IQCB1: variants seen among roughly 807,000 people sequenced by gnomAD.
The protein encoded by IQCB1 is IQ motif containing B1.
In IQCB1, 56 loss-of-function variants were observed where a neutral mutation model predicts 84.4. The ratio of observed to expected loss-of-function variants is 0.66; its 90% CI spans 0.54 to 0.83. IQCB1 has a LOEUF of 0.83. Ranked by LOEUF, IQCB1 falls within the 40% of genes least tolerant of loss-of-function variation. The pLI is 0.00. For missense variants in IQCB1, 629 were observed against 682.1 expected (o/e 0.92, Z 0.87); for synonymous variants, 210 against 234.8 (o/e 0.89, Z 0.96).
chr3:121,770,353 G>C lies in IQCB1; in HGVS notation c.1789C>G (p.Pro597Ala). ...LENLFIGGTK[P>A]P Reference sequence around the variant, plus strand: ...ATTCTTAGGGTTACTCACTAAGGTGGTTTGGTTCCACCAATGAATAAATTT... The same window carrying C: ...ATTCTTAGGGTTACTCACTAAGGTGCTTTGGTTCCACCAATGAATAAATTT... The change falls in exon 15 of 15, where the codon CCA becomes GCA. Residue 597 changes from proline (P) to alanine (A), a missense_variant. Pro to Ala is a conservative substitution (Grantham distance 27). Transcript: ENST00000310864. 6.2e-7 allele frequency: 1 copy of C among 1,602,896 alleles called. No individual in the cohort carries two copies. Among genetic ancestry groups the C allele is most frequent in the Non-Finnish European group, 8.5e-7 (1 of 1,169,878 alleles).
At chr3:121,795,110 G>A (rs574410687) in intron 10 of IQCB1, among the ~76,000 whole-genome samples, 8 of 152,022 alleles carry the variant, frequency 5.3e-5, no homozygotes, top group Middle Eastern at 3.4e-3. Context: ...ACTCTTATAC[G>A]CATACATGTT....
At chr3:121,821,069 C>A (rs1241461648) in intron 5 of IQCB1, among the ~76,000 whole-genome samples, 1 of 151,960 alleles carries the variant, frequency 6.6e-6, no homozygotes, top group Admixed American at 6.6e-5. Context: ...TAGCTCACTG[C>A]AGCCGTGAGC....
intron 3 of IQCB1, 71 bp downstream of exon 3, chr3:121,828,790 G>C: frequency 9.1e-7 from 1 of 1,097,452 alleles, no homozygotes; most frequent in Non-Finnish European, 1.4e-6. Context: ...TAAAAGAAAT[G>C]TTAAAATTGT....
At chr3:121,811,439 G>A (rs1200560390) in intron 5 of IQCB1, among the ~76,000 whole-genome samples, 2 of 152,110 alleles carry the variant, frequency 1.3e-5, no homozygotes, top group Non-Finnish European at 2.9e-5. Context: ...CCTGGAAAGG[G>A]GTCTGAAACC....
At chr3:121,801,455 T>C (rs945752671) in intron 7 of IQCB1, among the ~76,000 whole-genome samples, 1 of 152,086 alleles carries the variant, frequency 6.6e-6, no homozygotes, top group East Asian at 1.9e-4. Context: ...ATATTCCACA[T>C]ACCACAGTCT....
At chr3:121,794,957 G>A (rs1949120549) in intron 10 of IQCB1, among the ~76,000 whole-genome samples, 1 of 152,046 alleles carries the variant, frequency 6.6e-6, no homozygotes, top group Admixed American at 6.5e-5. Flanking sequence ...GATCTGGATT[G>A]GTTAAGTCAT....
chr3:121,832,563 G>A (rs1174260061), intron 2 of IQCB1, among the ~76,000 whole-genome samples: 1 of 152,108 alleles, frequency 6.6e-6, no homozygotes, highest in Non-Finnish European at 1.5e-5. Flanking sequence ...ATGACCTCAA[G>A]TGGTCTGCCC....
At position 121,825,206 on chromosome 3, in the gene IQCB1, A is replaced by G. The variant is rs914419418; in HGVS notation, c.393+845T>C. ...CTCCCAAGTAGCTGGGATTATAGGC[A>G]TGTGCCACCATGCCCGGCTAATTTT... On this transcript the variant is annotated intron_variant, in intron 5 of 14. Coordinates refer to ENST00000310864, the MANE Select transcript of IQCB1 (RefSeq NM_001023570.4). Among the ~76,000 whole-genome samples the G allele has an allele frequency of 7.9e-5, 12 of 152,008 alleles. 1 individual carries two copies. The highest frequency in any genetic ancestry group is 2.1e-4 in the South Asian group (1 of 4,828).
intron 13 of IQCB1, among the ~76,000 whole-genome samples, chr3:121,776,128 C>G (rs1472699390): frequency 6.6e-6 from 1 of 152,012 alleles, no homozygotes; most frequent in East Asian, 1.9e-4. Flanking sequence ...GGTGCCATCA[C>G]TGCTCACTGC....
chr3:121,781,133 G>A (rs78999446), intron 13 of IQCB1, among the ~76,000 whole-genome samples: 15,670 of 152,238 alleles, frequency 0.1, 853 homozygotes, highest in South Asian at 0.15. Flanking sequence ...AATGACAGGA[G>A]TGGTGAGTTA....
At chr3:121,784,076 T>A (rs1948611544) in intron 12 of IQCB1, among the ~76,000 whole-genome samples, 1 of 152,326 alleles carries the variant, frequency 6.6e-6, no homozygotes, top group South Asian at 2.1e-4. Flanking sequence ...ATTCATGACA[T>A]TCACTTCTTG....
chr3:121,798,759 A>AT (rs956141295), intron 8 of IQCB1, among the ~76,000 whole-genome samples: 1 of 151,496 alleles, frequency 6.6e-6, no homozygotes, highest in Non-Finnish European at 1.5e-5. Context: ...AGGTAAGGCA[A>AT]TTTTTTTTGT....
chr3:121,780,840 CTGTG>C (rs1432222121), intron 13 of IQCB1, among the ~76,000 whole-genome samples: 3 of 150,332 alleles, frequency 2.0e-5, no homozygotes, highest in Non-Finnish European at 4.4e-5. Flanking sequence ...TTTTAGAAGT[CTGTG>C]TGTGTATCTG....
intron 5 of IQCB1, among the ~76,000 whole-genome samples, chr3:121,818,058 A>G (rs1950139087): frequency 6.6e-6 from 1 of 152,198 alleles, no homozygotes; most frequent in Non-Finnish European, 1.5e-5. Flanking sequence ...AGTCTATGGT[A>G]TTTTGTTACA....
At chr3:121,811,383 T>C (rs1436685587) in intron 5 of IQCB1, among the ~76,000 whole-genome samples, 1 of 152,196 alleles carries the variant, frequency 6.6e-6, no homozygotes, top group Non-Finnish European at 1.5e-5. Context: ...TTTCTTTTTG[T>C]ACCTCAGTGG....
At chr3:121,807,154 G>A (rs1244922141) in intron 7 of IQCB1, among the ~76,000 whole-genome samples, 190 bp downstream of exon 7, 2 of 83,714 alleles carry the variant, frequency 2.4e-5, no homozygotes, top group East Asian at 5.3e-4. Context: ...CAATGGTGAT[G>A]GAACTTCAGC....
In IQCB1 at chr3:121,781,770, T is replaced by C. The variant is rs991890780; in HGVS notation, c.1383A>G (p.Arg461=). 3.1e-6 allele frequency: 5 copies of C among 1,613,738 alleles called. No individual in the cohort carries two copies. In the African/African-American group the frequency reaches 6.7e-5, roughly 22 times the overall value. ...AATGTCTTCTGACATAGTCATCCAC[T>C]CGTTTCTTCAGTTCAACTCGGCGTG... The part of the protein sequence containing the change: ...TDARRVELKK[R]VDDYVRRHLG... Residue 461 remains arginine (R), a synonymous_variant, in exon 13 of 15, where the codon CGA becomes CGG. Coordinates refer to ENST00000310864, the MANE Select transcript of IQCB1 (RefSeq NM_001023570.4).
At chr3:121,822,591 T>C (rs952495675) in intron 5 of IQCB1, among the ~76,000 whole-genome samples, 1 of 152,190 alleles carries the variant, frequency 6.6e-6, no homozygotes, top group Non-Finnish European at 1.5e-5. Flanking sequence ...TACCAGCAAT[T>C]TCATCTTTTG....
chr3:121,811,183 G>C (rs1325642006), intron 5 of IQCB1, among the ~76,000 whole-genome samples: 1 of 152,132 alleles, frequency 6.6e-6, no homozygotes, highest in African/African-American at 2.4e-5. Context: ...AGTGCAAGGG[G>C]CTGGGGACCT....
Sources: gnomAD v4.1 joint callset for allele counts (sites outside exome capture counted in the v4.1 genomes callset) on GRCh38, gnomAD v4.1.1 for gene constraint, MANE v1.5 for transcripts, NCBI Gene and HGNC (gene_info 2026-07-23, HGNC 2026-07-21) for gene names.